The following DLG2 variants were observed in gnomAD, a reference collection of about 807,000 sequenced individuals.
DLG2 encodes the protein disks large homolog 2.
A neutral mutation model predicts 132.5 loss-of-function variants in DLG2; 45 were observed. That is an observed-to-expected ratio of 0.34 (90% confidence interval 0.27 to 0.44). DLG2 has a LOEUF of 0.44. Ranked by LOEUF, DLG2 falls within the 20% of genes least tolerant of loss-of-function variation. The pLI, the probability that DLG2 is intolerant of heterozygous loss-of-function variation, is 1.00. For synonymous variants in DLG2, 424 were observed against 419.6 expected, an observed-to-expected ratio of 1.01 and a Z score of -0.13; for missense variants, 1,045 against 1,196.9, an observed-to-expected ratio of 0.87 and a Z score of 1.87.
intron 7 of DLG2, among the ~76,000 whole-genome samples, chr11:84,408,120 G>T (rs550436164): frequency 7.2e-5 from 11 of 152,228 alleles, no homozygotes; most frequent in South Asian, 4.2e-4. Context: ...GCTCGGAAAA[G>T]ATGACCTGGA....
intron 7 of DLG2, among the ~76,000 whole-genome samples, chr11:84,410,847 T>A (rs569419355): frequency 1.3e-5 from 2 of 152,224 alleles, no homozygotes; most frequent in East Asian, 3.9e-4. Flanking sequence ...CCCAAACTGC[T>A]GGAATTACAG....
chr11:83,932,257 C>T (rs543905715), intron 14 of DLG2, among the ~76,000 whole-genome samples: 110 of 148,838 alleles, frequency 7.4e-4, no homozygotes, highest in African/African-American at 2.6e-3. Context: ...TTTTTTTAGA[C>T]GTAATCTCAC....
At chr11:84,413,450 G>C (rs1234842314) in intron 7 of DLG2, among the ~76,000 whole-genome samples, 1 of 152,236 alleles carries the variant, frequency 6.6e-6, no homozygotes, top group African/African-American at 2.4e-5. Flanking sequence ...GCAGCCTTGA[G>C]AGGTTAAAAT....
intron 8 of DLG2, among the ~76,000 whole-genome samples, chr11:84,224,186 C>A (rs966958876): frequency 2.0e-5 from 3 of 152,186 alleles, no homozygotes; most frequent in Non-Finnish European, 4.4e-5. Flanking sequence ...CTGACCTATG[C>A]TAGAAGAAGT....
At chr11:84,173,387 T>C (rs551409496) in intron 8 of DLG2, among the ~76,000 whole-genome samples, 2 of 152,332 alleles carry the variant, frequency 1.3e-5, no homozygotes, top group South Asian at 4.1e-4. Context: ...TCAATGGTTG[T>C]AAGGCATCAT....
At chr11:83,495,338 C>T (rs1245121676) in intron 21 of DLG2, among the ~76,000 whole-genome samples, 1 of 152,092 alleles carries the variant, frequency 6.6e-6, no homozygotes, top group Non-Finnish European at 1.5e-5. Flanking sequence ...GAGTGCTTGC[C>T]ATGCTTTTGT....
chr11:84,536,091 T>C (rs1376361162), intron 6 of DLG2, among the ~76,000 whole-genome samples: 2 of 152,190 alleles, frequency 1.3e-5, no homozygotes, highest in Admixed American at 6.5e-5. Context: ...CTTACACTTA[T>C]ACTTTCTGGG....
intron 3 of DLG2, among the ~76,000 whole-genome samples, chr11:85,548,845 A>C (rs1349059799): frequency 6.6e-6 from 1 of 152,104 alleles, no homozygotes; most frequent in Non-Finnish European, 1.5e-5. Context: ...TCCCCCCACC[A>C]AGCTCGAGCA....
intron 15 of DLG2, among the ~76,000 whole-genome samples, chr11:83,884,451 C>A (rs1257523048): frequency 1.3e-5 from 2 of 152,226 alleles, no homozygotes; most frequent in African/African-American, 4.8e-5. Flanking sequence ...GAAACTGGAA[C>A]TGGGTAGAGC....
At chr11:84,605,728 T>C (rs1433685524) in intron 6 of DLG2, among the ~76,000 whole-genome samples, 4 of 152,034 alleles carry the variant, frequency 2.6e-5, no homozygotes, top group African/African-American at 9.7e-5. Flanking sequence ...ACTTCTTAAT[T>C]TGACATTCAT....
chr11:84,074,559 T>C (rs1353063961), intron 10 of DLG2, among the ~76,000 whole-genome samples: 4 of 148,622 alleles, frequency 2.7e-5, no homozygotes, highest in Non-Finnish European at 5.9e-5. Context: ...GGTGGAGTCT[T>C]GCTCTGTCGC....
At chr11:85,148,374 T>C (rs1353898115) in intron 5 of DLG2, among the ~76,000 whole-genome samples, 1 of 151,948 alleles carries the variant, frequency 6.6e-6, no homozygotes, top group African/African-American at 2.4e-5. Context: ...CCACCAAGAG[T>C]GTGAAAGCAT....
chr11:85,436,942 C>CAT (rs1555123504), intron 3 of DLG2, among the ~76,000 whole-genome samples: 19 of 152,140 alleles, frequency 1.2e-4, no homozygotes, highest in Non-Finnish European at 1.5e-5. Context: ...AAATGTGGTA[C>CAT]ATATATATCA....
At chr11:85,278,553 T>C (rs535180739) in intron 4 of DLG2, among the ~76,000 whole-genome samples, 4 of 151,494 alleles carry the variant, frequency 2.6e-5, no homozygotes, top group Non-Finnish European at 5.9e-5. Flanking sequence ...TGAGCCGAGA[T>C]GGTTTCATTG....
rs554757840 is a variant in DLG2 at position 85,513,888 on chromosome 11, T to G, written c.40+84769A>C. ...AAATCTGATTAGTTACCAAGTCCTA[T>G]TAATTACCTTTCTAAATATCTTTCA... On this transcript the variant is annotated intron_variant, in intron 3 of 27. Transcript: ENST00000376104. Among the ~76,000 whole-genome samples, 74 of 152,108 alleles carry G rather than the reference T, an allele frequency of 4.9e-4. 2 individuals are homozygous for G. Among genetic ancestry groups the G allele is most frequent in the African/African-American group, 1.6e-3 (68 of 41,564 alleles).
intron 16 of DLG2, among the ~76,000 whole-genome samples, chr11:83,839,498 A>G (rs1046071507): frequency 2.0e-5 from 3 of 152,160 alleles, no homozygotes; most frequent in Non-Finnish European, 4.4e-5. Flanking sequence ...TACAAGTCCT[A>G]TTTTACCGAT....
chr11:83,743,184 T>C (rs1396583372), intron 18 of DLG2, among the ~76,000 whole-genome samples: 1 of 152,112 alleles, frequency 6.6e-6, no homozygotes, highest in Non-Finnish European at 1.5e-5. Flanking sequence ...GCAGAAGAGG[T>C]GGTTTTATTC....
At chr11:85,254,531 T>C (rs1177850875) in intron 4 of DLG2, among the ~76,000 whole-genome samples, 1 of 152,186 alleles carries the variant, frequency 6.6e-6, no homozygotes, top group Non-Finnish European at 1.5e-5. Context: ...ATGTATTTAT[T>C]TCTTTGTTAT....
chr11:85,087,823 C>T (rs1196969171), intron 6 of DLG2, among the ~76,000 whole-genome samples: 1 of 109,050 alleles, frequency 9.2e-6, no homozygotes. Flanking sequence ...CCGGCCTGGG[C>T]GACAGAGCGA....
Sources: allele counts gnomAD v4.1 joint callset (sites outside exome capture counted in the v4.1 genomes callset), GRCh38; gene constraint gnomAD v4.1.1; transcripts MANE v1.5; gene names NCBI Gene and HGNC (gene_info 2026-07-23, HGNC 2026-07-21).